DOCK8: variants seen among roughly 807,000 people sequenced by gnomAD.
DOCK8 encodes dedicator of cytokinesis 8.
A neutral mutation model predicts 245.6 loss-of-function variants in DOCK8; 141 were observed. The ratio of observed to expected loss-of-function variants is 0.57; its 90% confidence interval spans 0.50 to 0.66. The LOEUF (loss-of-function observed/expected upper bound fraction) is 0.66. Among genes scored for constraint, DOCK8 ranks in the 30% least tolerant of loss-of-function variants. DOCK8 has a pLI of 0.00. For missense variants in DOCK8, 2,965 were observed against 2,603.4 expected (o/e 1.14, Z -3.02); for synonymous variants, 1,168 against 970.2 (o/e 1.20, Z -3.79).
chr9:254,663 A>G (rs981648337), intron 1 of DOCK8, among the ~76,000 whole-genome samples: 1 of 152,188 alleles, frequency 6.6e-6, no homozygotes, highest in African/African-American at 2.4e-5. Flanking sequence ...GAAGTGGAAA[A>G]TTGCAGATAG....
chr9:265,613 GT>G (rs968517983), intron 1 of DOCK8, among the ~76,000 whole-genome samples: 7 of 151,586 alleles, frequency 4.6e-5, no homozygotes, highest in African/African-American at 1.7e-4. Flanking sequence ...TATAGACAAA[GT>G]TTTTTTTTCC....
intron 27 of DOCK8, among the ~76,000 whole-genome samples, chr9:405,589 C>G (rs2055378341): frequency 6.6e-6 from 1 of 152,164 alleles, no homozygotes; most frequent in African/African-American, 2.4e-5. Flanking sequence ...CCCACCCCAC[C>G]TCATACATTT....
At chr9:356,517 G>A (rs1196557456) in intron 14 of DOCK8, among the ~76,000 whole-genome samples, 8 of 142,790 alleles carry the variant, frequency 5.6e-5, no homozygotes, top group African/African-American at 1.8e-4. Context: ...GCTACAGAGC[G>A]AGACTCTGTC....
Position 464,005 on chromosome 9 carries a change from G to A in DOCK8, c.6240-154G>A, listed in dbSNP as rs550502227. 2.6e-5 allele frequency among the ~76,000 whole-genome samples: 4 copies of A among 152,264 alleles called. 1 individual carries two copies. The South Asian group carries it at 8.3e-4, about 32-fold the overall frequency. On this transcript the variant is annotated intron_variant, in intron 47 of 47. Coordinates refer to ENST00000432829, the MANE Select transcript of DOCK8 (RefSeq NM_203447.4). ...TGTTTTGGCACAGTGTGAAGGGGTC[G>A]CAGACCTTTCACTTATTATTTGCTG...
At chr9:283,082 A>T (rs371541692) in intron 2 of DOCK8, among the ~76,000 whole-genome samples, 1 of 152,204 alleles carries the variant, frequency 6.6e-6, no homozygotes, top group African/African-American at 2.4e-5. Context: ...TTCAAAATAT[A>T]CAGATTTCTT....
intron 24 of DOCK8, among the ~76,000 whole-genome samples, chr9:392,481 G>A (rs1293337118): frequency 1.3e-5 from 2 of 152,182 alleles, no homozygotes; most frequent in African/African-American, 4.8e-5. Context: ...TAAAAATAAA[G>A]CAGAGATTCT....
Position 411,121 on chromosome 9 carries a change from T to A in DOCK8, c.3531-3661T>A, listed in dbSNP as rs116780689. ...ACACCTACTATGTACCCACACAAAT[T>A]AAAAATTTAGGCTGGGCGCAGTGGC... On this transcript the variant is annotated intron_variant, in intron 28 of 47. Transcript: ENST00000432829. Among the ~76,000 whole-genome samples the A allele has an allele frequency of 5.8e-3, 879 of 152,092 alleles. 4 individuals are homozygous for A. The highest frequency in any genetic ancestry group is 0.019 in the African/African-American group (808 of 41,492).
intron 30 of DOCK8, among the ~76,000 whole-genome samples, chr9:418,757 G>C (rs1176201062): frequency 6.6e-6 from 1 of 152,174 alleles, no homozygotes; most frequent in Non-Finnish European, 1.5e-5. Flanking sequence ...TCAAGTTCAA[G>C]AAACCGGAAA....
chr9:346,980 C>G (rs188852309), intron 14 of DOCK8, among the ~76,000 whole-genome samples: 156 of 152,142 alleles, frequency 1.0e-3, no homozygotes, highest in African/African-American at 3.7e-3. Flanking sequence ...CAGTTTAAGC[C>G]CAGTTAGCTC....
rs1420091521 is a variant in DOCK8, at chr9:442,642, AAC to A, written c.5490+637_5490+638del. Among the ~76,000 whole-genome samples, 16 of 151,310 alleles carry A rather than the reference AAC, an allele frequency of 1.1e-4. No individual in the cohort carries two copies. The East Asian group carries it at 3.1e-3, about 29-fold the overall frequency. ...CCTAGAGAAAGGTCAGGACAAAAGA[AAC>A]ACAGGTTATAAGGGCCAAACACTAA... On this transcript the variant is annotated intron_variant, in intron 42 of 47. Coordinates refer to ENST00000432829, the MANE Select transcript of DOCK8 (RefSeq NM_203447.4).
rs2052798342 is a variant in DOCK8, at chr9:362,967, AT to A, written c.1680-5048del. ...GTAAGAGCAGAGTGTTTGGTTGATA[AT>A]TTGATCTAAAAGTGACCAGACTCCA... On this transcript the variant is annotated intron_variant, in intron 14 of 47. Coordinates refer to ENST00000432829, the MANE Select transcript of DOCK8 (RefSeq NM_203447.4). 2.6e-5 allele frequency among the ~76,000 whole-genome samples: 4 copies of A among 152,330 alleles called. No homozygotes were observed. In the South Asian group the frequency reaches 8.3e-4, roughly 32 times the overall value.
At position 379,802 on chromosome 9, in the gene DOCK8, G is replaced by C. The variant is rs189393588; in HGVS notation, c.2472G>C (p.Val824=). Residue 824 remains valine, a synonymous_variant, in exon 21 of 48, where the codon GTG becomes GTC. Coordinates refer to ENST00000432829, the MANE Select transcript of DOCK8 (RefSeq NM_203447.4). ...ANFSQFAFES[V]VAIANSLHNS... is the part of the protein sequence containing the mutation. ...TCTCCCAGTTTGCCTTCGAGTCCGT[G>C]GTGGCCATCGCCAACAGTCTGCACA... 2 of 1,614,166 alleles carry C rather than the reference G, an allele frequency of 1.2e-6. No individual in the cohort carries two copies. Among genetic ancestry groups the C allele is most frequent in the African/African-American group, 1.3e-5 (1 of 75,034 alleles).
At chr9:432,723 G>A (rs1003735440) in intron 37 of DOCK8, among the ~76,000 whole-genome samples, 1 of 152,182 alleles carries the variant, frequency 6.6e-6, no homozygotes, top group African/African-American at 2.4e-5. Flanking sequence ...GTAGGATTCC[G>A]CTAGGCAGGG....
intron 28 of DOCK8, among the ~76,000 whole-genome samples, chr9:413,356 C>T (rs1229432686): frequency 6.6e-6 from 1 of 151,964 alleles, no homozygotes; most frequent in African/African-American, 2.4e-5. Context: ...GCAGTGGTTT[C>T]TTAGATATGA....
intron 29 of DOCK8, 146 bp downstream of exon 29, chr9:415,097 C>T: frequency 1.7e-6 from 2 of 1,166,720 alleles, no homozygotes; most frequent in East Asian, 2.4e-5. Context: ...CTCTTTAACA[C>T]TGGCCCCAAT....
At position 223,113 on chromosome 9, in the gene DOCK8, A is replaced by G. The variant is rs542739472; in HGVS notation, c.53+8084A>G. Among the ~76,000 whole-genome samples the G allele has an allele frequency of 9.8e-5, 15 of 152,360 alleles. No individual in the cohort carries two copies. The South Asian group carries it at 3.1e-3, about 32-fold the overall frequency. ...AACAGTAGTTAGTACCACTCTGCTC[A>G]GAAACCTCAAAAAACTTCGACTTCT... On this transcript the variant is annotated intron_variant, in intron 1 of 47. Coordinates refer to ENST00000432829, the MANE Select transcript of DOCK8 (RefSeq NM_203447.4).
At chr9:222,239 G>C (rs920979239) in intron 1 of DOCK8, among the ~76,000 whole-genome samples, 1 of 151,876 alleles carries the variant, frequency 6.6e-6, no homozygotes, top group Non-Finnish European at 1.5e-5. Context: ...CTCCAGCCTG[G>C]GCCACAGAGT....
chr9:338,224 C>T (rs1412298704), intron 12 of DOCK8, among the ~76,000 whole-genome samples: 1 of 151,908 alleles, frequency 6.6e-6, no homozygotes, highest in African/African-American at 2.4e-5. Flanking sequence ...TTAAAATAAA[C>T]TCGCTTGGTC....
chr9:458,044 C>T (rs1234826866), intron 46 of DOCK8: 6 of 152,314 alleles, frequency 3.9e-5, no homozygotes, highest in South Asian at 4.1e-4. Flanking sequence ...GAGCTGTTCC[C>T]TCTAGTGACT....
Sources: allele counts gnomAD v4.1 joint callset (sites outside exome capture counted in the v4.1 genomes callset), GRCh38; gene constraint gnomAD v4.1.1; transcripts MANE v1.5; gene names NCBI Gene and HGNC (gene_info 2026-07-23, HGNC 2026-07-21).